Variants in FMN2 observed in about 807,000 individuals in gnomAD.
The protein encoded by FMN2 is formin 2, also known as formin-2.
A neutral mutation model predicts 142.3 loss-of-function variants in FMN2; 51 were observed. The ratio of observed to expected loss-of-function variants is 0.36; its 90% CI spans 0.29 to 0.45. The LOEUF (loss-of-function observed/expected upper bound fraction) is 0.45, where lower values mean the gene tolerates loss of function less well. Among genes scored for constraint, FMN2 ranks in the 20% least tolerant of loss-of-function variants. The pLI, the probability that FMN2 is intolerant of heterozygous loss-of-function variation, is 1.00. For missense variants in FMN2, 1,936 were observed against 2,122.8 expected (o/e 0.91, Z 1.73); for synonymous variants, 882 against 869.8 (o/e 1.01, Z -0.25).
chr1:240,171,672 A>G (rs1009107809), intron 2 of FMN2, among the ~76,000 whole-genome samples: 1 of 152,224 alleles, frequency 6.6e-6, no homozygotes, highest in Admixed American at 6.5e-5. Flanking sequence ...TAGAATGCCT[A>G]CCTTTGAGCA....
intron 2 of FMN2, among the ~76,000 whole-genome samples, chr1:240,172,978 C>T (rs1344479709): frequency 6.6e-6 from 1 of 151,656 alleles, no homozygotes; most frequent in East Asian, 1.9e-4. Context: ...CTCTGTCGTC[C>T]AGGCTGGAGC....
intron 16 of FMN2, among the ~76,000 whole-genome samples, chr1:240,467,963 C>T (rs948213263): frequency 3.3e-5 from 5 of 151,886 alleles, no homozygotes; most frequent in Admixed American, 2.6e-4. Flanking sequence ...TTTTTTTCCC[C>T]AAAGTCACTA....
intron 15 of FMN2, among the ~76,000 whole-genome samples, chr1:240,397,696 A>G (rs1673825894): frequency 6.8e-6 from 1 of 148,114 alleles, no homozygotes; most frequent in African/African-American, 2.5e-5. Flanking sequence ...AGGCTGAGGC[A>G]TGAGAATCGC....
chr1:240,206,047 C>T (rs931577787), intron 4 of FMN2, among the ~76,000 whole-genome samples: 6 of 151,958 alleles, frequency 3.9e-5, no homozygotes, highest in Non-Finnish European at 8.8e-5. Context: ...GGACTACAGG[C>T]GTGTGCCACC....
rs1157867478 is a variant in FMN2, at chr1:240,179,258, C to T, written c.1930+1190C>T. 2.8e-5 allele frequency: 4 copies of T among 143,302 alleles called. No individual in the cohort carries two copies. The East Asian group carries it at 6.2e-4, about 22-fold the overall frequency. The allele number at this position is 143,302 out of a possible 1,614,324, so 8.9% of individuals were successfully genotyped here. A position where few individuals can be genotyped will look rare whatever the true frequency, so the allele number is the denominator to read the frequency against. ...TATTCATGAGGTCCCTTTCAACCGA[C>T]AATGACCAACAATGTAAAAGGTTTT... On this transcript the variant is annotated intron_variant, in intron 3 of 17. Transcript: ENST00000319653.
rs534583889 is a variant in FMN2 at position 240,227,577 on chromosome 1, A to G, written c.4065+16342A>G. On this transcript the variant is annotated intron_variant, in intron 6 of 17. Transcript: ENST00000319653. Reference sequence around the variant, plus strand: ...ACAAAACTATAGTAATTAAGACAATATAGTACTGGCATACTAATACACATA... The same window carrying G: ...ACAAAACTATAGTAATTAAGACAATGTAGTACTGGCATACTAATACACATA... Among the ~76,000 whole-genome samples, 413 of 152,350 alleles carry G rather than the reference A, an allele frequency of 2.7e-3. 3 individuals are homozygous for G. The South Asian group carries it at 0.027, about 10-fold the overall frequency.
intron 7 of FMN2, among the ~76,000 whole-genome samples, chr1:240,268,995 A>G (rs907915068): frequency 1.1e-4 from 16 of 151,964 alleles, no homozygotes; most frequent in African/African-American, 2.9e-4. Flanking sequence ...TTTTCTCCCA[A>G]TTTGTGGTTG....
At chr1:240,284,236 A>T (rs1665810542) in intron 7 of FMN2, among the ~76,000 whole-genome samples, 1 of 152,174 alleles carries the variant, frequency 6.6e-6, no homozygotes, top group Admixed American at 6.6e-5. Flanking sequence ...CCATATTGTC[A>T]TGTGGGTAAT....
intron 7 of FMN2, among the ~76,000 whole-genome samples, chr1:240,285,829 G>T (rs1482520739): frequency 1.3e-5 from 2 of 152,188 alleles, no homozygotes; most frequent in East Asian, 3.9e-4. Flanking sequence ...GGGCAGAGAA[G>T]AAGGTGGGGA....
At chr1:240,409,249 T>C (rs561873909) in intron 15 of FMN2, among the ~76,000 whole-genome samples, 4 of 152,236 alleles carry the variant, frequency 2.6e-5, no homozygotes, top group Non-Finnish European at 4.4e-5. Flanking sequence ...TTCAAGCGAT[T>C]CTCCTGCCTC....
intron 2 of FMN2, among the ~76,000 whole-genome samples, chr1:240,135,277 G>A (rs1662891458): frequency 6.6e-6 from 1 of 152,060 alleles, no homozygotes; most frequent in African/African-American, 2.4e-5. Context: ...TTTCTTGATT[G>A]GATAATTTCT....
At chr1:240,143,665 A>T in intron 2 of FMN2, 1 of 1,610,048 alleles carries the variant, frequency 6.2e-7, no homozygotes, top group African/African-American at 1.3e-5. Context: ...GATTGCCTCG[A>T]TGGCCTCACC....
chr1:240,170,453 CCA>C lies in FMN2; in HGVS notation c.1783-7465_1783-7464del, dbSNP rs1664656352. On this transcript the variant is annotated intron_variant, in intron 2 of 17. Transcript: ENST00000319653. The stretch of plus-strand genomic sequence containing the variant: ...GATAACTGTCATCCCATTTTACATC[CCA>C]CAGTGTGGAGAATGCAAATTTTGTC... 6 of 1,355,108 alleles carry C rather than the reference CCA, an allele frequency of 4.4e-6. No individual in the cohort carries two copies. The East Asian group carries it at 1.4e-4, about 31-fold the overall frequency. 83.9% of individuals were successfully genotyped at this position (1,355,108 alleles called of 1,614,324 possible). A position where few individuals can be genotyped will look rare whatever the true frequency, so the allele number is the denominator to read the frequency against.
At chr1:240,119,691 A>G (rs1212269466) in intron 1 of FMN2, among the ~76,000 whole-genome samples, 1 of 152,118 alleles carries the variant, frequency 6.6e-6, no homozygotes, top group African/African-American at 2.4e-5. Context: ...ATTTCGGGGC[A>G]TATGCTTTCA....
intron 16 of FMN2, among the ~76,000 whole-genome samples, chr1:240,440,503 G>C (rs1227310622): frequency 6.6e-6 from 1 of 151,582 alleles, no homozygotes; most frequent in African/African-American, 2.4e-5. Context: ...CATTTTTTTT[G>C]GTTCTTTATC....
intron 3 of FMN2, 74 bp downstream of exon 3, chr1:240,178,142 G>C (rs1231376509): frequency 1.1e-5 from 15 of 1,364,902 alleles, no homozygotes; most frequent in Non-Finnish European, 1.1e-5. Flanking sequence ...TTAAATCTTA[G>C]TTTTAAGTAA....
chr1:240,324,141 G>T (rs377122190), intron 8 of FMN2, among the ~76,000 whole-genome samples: 2 of 152,088 alleles, frequency 1.3e-5, no homozygotes, highest in African/African-American at 2.4e-5. Context: ...CTTATTTGAT[G>T]AATTGAAAGC....
intron 6 of FMN2, among the ~76,000 whole-genome samples, chr1:240,250,109 A>G (rs963945032): frequency 1.7e-4 from 26 of 152,176 alleles, no homozygotes; most frequent in African/African-American, 6.3e-4. Flanking sequence ...CTGGCTAGGA[A>G]TTCTAGCACT....
At chr1:240,433,767 C>A (rs1176958211) in intron 15 of FMN2, among the ~76,000 whole-genome samples, 1 of 152,156 alleles carries the variant, frequency 6.6e-6, no homozygotes, top group African/African-American at 2.4e-5. Flanking sequence ...CCTGTTGCTT[C>A]CCTCTGCTTC....
Sources: allele counts gnomAD v4.1 joint callset (sites outside exome capture counted in the v4.1 genomes callset), GRCh38; gene constraint gnomAD v4.1.1; transcripts MANE v1.5; gene names NCBI Gene and HGNC (gene_info 2026-07-23, HGNC 2026-07-21).